Variants in EYS observed in about 807,000 individuals in gnomAD.
The protein encoded by EYS is protein eyes shut homolog.
In EYS, 250 loss-of-function variants were observed where a neutral mutation model predicts 282.1. The observed-to-expected ratio is 0.89, with a 90% CI of 0.80 to 0.98. The LOEUF (loss-of-function observed/expected upper bound fraction) is 0.98. Among genes scored for constraint, EYS ranks in the 50% least tolerant of loss-of-function variants. EYS has a pLI of 0.00. For synonymous variants in EYS, 1,355 were observed against 1,282.9 expected, an observed-to-expected ratio of 1.06 and a Z score of -1.20; for missense variants, 4,016 against 3,709.0, an observed-to-expected ratio of 1.08 and a Z score of -2.15.
intron 15 of EYS, among the ~76,000 whole-genome samples, chr6:64,933,263 T>A (rs1768788414): frequency 6.6e-6 from 1 of 151,690 alleles, no homozygotes; most frequent in Non-Finnish European, 1.5e-5. Context: ...GAGTTGGAAA[T>A]TATAAAAACT....
At chr6:64,995,099 T>C (rs1013361679) in intron 14 of EYS, among the ~76,000 whole-genome samples, 3 of 152,134 alleles carry the variant, frequency 2.0e-5, no homozygotes, top group African/African-American at 4.8e-5. Context: ...GCATGCTGCA[T>C]CAGCTTGGCC....
chr6:65,016,473 CT>C (rs5876937), intron 13 of EYS, among the ~76,000 whole-genome samples: 39,564 of 151,948 alleles, frequency 0.26, 6,334 homozygotes, highest in African/African-American at 0.44. Context: ...TTAAAATCTG[CT>C]GTTTAAAATG....
intron 26 of EYS, among the ~76,000 whole-genome samples, chr6:64,508,230 A>G (rs954077372): frequency 6.6e-5 from 10 of 152,174 alleles, no homozygotes; most frequent in African/African-American, 2.2e-4. Context: ...AAATGTTCCA[A>G]CAAATAAGAA....
intron 26 of EYS, among the ~76,000 whole-genome samples, chr6:64,563,078 A>C (rs1765451694): frequency 6.6e-6 from 1 of 152,080 alleles, no homozygotes; most frequent in Non-Finnish European, 1.5e-5. Context: ...AACAATAGTA[A>C]ATTGGAAATA....
chr6:65,141,827 T>C (rs1764353399), intron 12 of EYS, among the ~76,000 whole-genome samples: 1 of 152,018 alleles, frequency 6.6e-6, no homozygotes, highest in Admixed American at 6.6e-5. Context: ...TACCCCAAAT[T>C]CTATGGTCAG....
chr6:64,781,576 C>CAAAA (rs5876923), intron 22 of EYS, among the ~76,000 whole-genome samples: 12 of 87,720 alleles, frequency 1.4e-4, no homozygotes, highest in African/African-American at 1.9e-4. Flanking sequence ...GACTCCGTCT[C>CAAAA]AAAAAAAAAA....
rs147762271 is a variant in EYS, at chr6:65,141,822, C to T, written c.2024-84095G>A. Among the ~76,000 whole-genome samples, 3 of 152,070 alleles carry T rather than the reference C, an allele frequency of 2.0e-5. No individual in the cohort carries two copies. The East Asian group carries it at 5.8e-4, about 30-fold the overall frequency. The stretch of plus-strand genomic sequence containing the variant: ...AAGGGTTGAAACATTTTCTTTACCC[C>T]AAATTCTATGGTCAGCAATCCTATC... On this transcript the variant is annotated intron_variant, in intron 12 of 42. Coordinates refer to ENST00000503581, the MANE Select transcript of EYS (RefSeq NM_001142800.2).
At chr6:63,737,628 T>C (rs966194771) in intron 41 of EYS, among the ~76,000 whole-genome samples, 2 of 152,202 alleles carry the variant, frequency 1.3e-5, no homozygotes, top group African/African-American at 2.4e-5. Flanking sequence ...GGATTCCCTC[T>C]TTTTCTATTG....
At chr6:65,121,386 C>A (rs1775546051) in intron 12 of EYS, among the ~76,000 whole-genome samples, 1 of 152,144 alleles carries the variant, frequency 6.6e-6, no homozygotes, top group African/African-American at 2.4e-5. Flanking sequence ...AATTAGGCAT[C>A]AGATTATCTA....
chr6:63,790,818 G>C (rs1171176743), intron 37 of EYS, among the ~76,000 whole-genome samples: 3 of 152,164 alleles, frequency 2.0e-5, no homozygotes, highest in Admixed American at 2.0e-4. Flanking sequence ...GATTCTGGAG[G>C]GGATCTGAAT....
At chr6:64,462,338 C>T (rs754297045) in intron 26 of EYS, among the ~76,000 whole-genome samples, 2 of 152,104 alleles carry the variant, frequency 1.3e-5, no homozygotes, top group Admixed American at 6.6e-5. Context: ...ATATCTTGTA[C>T]AAATTTGAAG....
At chr6:65,415,580 G>A (rs1208531990) in intron 5 of EYS, among the ~76,000 whole-genome samples, 1 of 151,990 alleles carries the variant, frequency 6.6e-6, no homozygotes, top group Non-Finnish European at 1.5e-5. Context: ...ATGGAATCCC[G>A]CCCACCGGTA....
At chr6:63,877,669 C>A (rs1773013208) in intron 35 of EYS, among the ~76,000 whole-genome samples, 1 of 152,140 alleles carries the variant, frequency 6.6e-6, no homozygotes, top group African/African-American at 2.4e-5. Context: ...TTGTTCATTT[C>A]TTTTTACTCT....
At chr6:65,146,197 G>A (rs1323883305) in intron 12 of EYS, among the ~76,000 whole-genome samples, 2 of 151,666 alleles carry the variant, frequency 1.3e-5, no homozygotes, top group South Asian at 2.1e-4. Context: ...TTATTTAAAA[G>A]ATAATGATCT....
At chr6:64,934,721 G>A (rs943018348) in intron 15 of EYS, among the ~76,000 whole-genome samples, 3 of 151,750 alleles carry the variant, frequency 2.0e-5, no homozygotes. Context: ...ACAAGAACAG[G>A]AAGATTTCAT....
At chr6:65,317,829 T>TTTCTTC (rs1218979616) in intron 11 of EYS, among the ~76,000 whole-genome samples, 1 of 33,656 alleles carries the variant, frequency 3.0e-5, no homozygotes, top group African/African-American at 1.7e-4. Context: ...TTCCTTCCTT[T>TTTCTTC]CTTTCTTTCT....
At chr6:64,015,073 G>T (rs1336956902) in intron 33 of EYS, among the ~76,000 whole-genome samples, 2 of 152,054 alleles carry the variant, frequency 1.3e-5, no homozygotes, top group African/African-American at 2.4e-5. Flanking sequence ...CTTATAAATA[G>T]CTTCCACAAG....
chr6:64,212,997 A>G (rs946371372), intron 31 of EYS, among the ~76,000 whole-genome samples: 1 of 152,154 alleles, frequency 6.6e-6, no homozygotes, highest in African/African-American at 2.4e-5. Context: ...TCTCTAGCAA[A>G]CTAACACAGG....
intron 15 of EYS, among the ~76,000 whole-genome samples, chr6:64,934,548 G>A (rs1267788025): frequency 1.3e-5 from 2 of 151,778 alleles, no homozygotes; most frequent in East Asian, 1.9e-4. Context: ...ATCCTCATAA[G>A]AATAACAATT....
Sources: allele counts gnomAD v4.1 joint callset (sites outside exome capture counted in the v4.1 genomes callset), GRCh38; gene constraint gnomAD v4.1.1; transcripts MANE v1.5; gene names NCBI Gene and HGNC (gene_info 2026-07-23, HGNC 2026-07-21).